The following ADGRB3 variants were observed in gnomAD, a reference collection of about 807,000 sequenced individuals.
ADGRB3 encodes adhesion G protein-coupled receptor B3.
A neutral mutation model predicts 193.4 loss-of-function variants in ADGRB3; 37 were observed. The ratio of observed to expected loss-of-function variants is 0.19; its 90% CI spans 0.15 to 0.25. ADGRB3 has a LOEUF of 0.25. Among genes scored for constraint, ADGRB3 ranks in the 10% least tolerant of loss-of-function variants. ADGRB3 has a pLI of 1.00. For synonymous variants in ADGRB3, 690 were observed against 644.2 expected (o/e 1.07, Z -1.08); for missense variants, 1,637 against 1,852.9 (o/e 0.88, Z 2.14).
intron 3 of ADGRB3, among the ~76,000 whole-genome samples, chr6:68,873,592 A>G (rs1246712236): frequency 2.0e-5 from 3 of 152,164 alleles, no homozygotes; most frequent in East Asian, 3.8e-4. Context: ...GGGAAATTTC[A>G]TGATTAACCA....
chr6:69,202,606 A>T (rs1231934649), intron 17 of ADGRB3, among the ~76,000 whole-genome samples: 1 of 152,162 alleles, frequency 6.6e-6, no homozygotes, highest in Non-Finnish European at 1.5e-5. Flanking sequence ...TAACACAGTC[A>T]AGTGTCCTAA....
chr6:69,280,271 C>A (rs953181074), intron 20 of ADGRB3, among the ~76,000 whole-genome samples: 11 of 152,194 alleles, frequency 7.2e-5, no homozygotes, highest in African/African-American at 2.7e-4. Flanking sequence ...AGTTTTAAAT[C>A]ATCCCCTCAT....
Position 68,993,420 on chromosome 6 carries a change from C to T in ADGRB3, c.1735-348C>T, listed in dbSNP as rs568590278. Reference sequence around the variant, plus strand: ...ATCTCCCATCTCTGATCACACCTTACTAAACAGTCCCCCATGTTTACCACA... The same window carrying T: ...ATCTCCCATCTCTGATCACACCTTATTAAACAGTCCCCCATGTTTACCACA... On this transcript the variant is annotated intron_variant, in intron 10 of 31. Transcript: ENST00000370598. Among the ~76,000 whole-genome samples the T allele has an allele frequency of 5.3e-5, 8 of 152,266 alleles. No individual in the cohort carries two copies. The South Asian group carries it at 1.2e-3, about 24-fold the overall frequency.
chr6:69,283,643 G>GA (rs1030418823), intron 20 of ADGRB3, among the ~76,000 whole-genome samples: 96 of 144,984 alleles, frequency 6.6e-4, no homozygotes, highest in African/African-American at 1.2e-3. Flanking sequence ...TTGGCTTATG[G>GA]AAAAAAAAAA....
intron 10 of ADGRB3, among the ~76,000 whole-genome samples, chr6:68,983,271 G>A (rs918805090): frequency 7.9e-5 from 12 of 151,606 alleles, no homozygotes; most frequent in African/African-American, 2.9e-4. Context: ...TAAAAGCTGA[G>A]GAGATTTTTA....
chr6:68,997,717 T>C (rs1406855758), intron 11 of ADGRB3, among the ~76,000 whole-genome samples: 1 of 151,772 alleles, frequency 6.6e-6, no homozygotes, highest in Non-Finnish European at 1.5e-5. Context: ...AGAATTGGCC[T>C]GATTCCTCCC....
chr6:69,291,970 T>C (rs1767694342), intron 20 of ADGRB3, among the ~76,000 whole-genome samples: 1 of 152,122 alleles, frequency 6.6e-6, no homozygotes, highest in African/African-American at 2.4e-5. Flanking sequence ...TCCCTGAAGA[T>C]GAAGGGTCAC....
At chr6:68,863,769 C>T (rs1022201760) in intron 3 of ADGRB3, among the ~76,000 whole-genome samples, 1 of 152,114 alleles carries the variant, frequency 6.6e-6, no homozygotes, top group Non-Finnish European at 1.5e-5. Flanking sequence ...GCTCAGAAAT[C>T]AGCCTTACTT....
At chr6:69,024,567 G>A (rs909013021) in intron 13 of ADGRB3, among the ~76,000 whole-genome samples, 3 of 152,090 alleles carry the variant, frequency 2.0e-5, no homozygotes, top group Non-Finnish European at 4.4e-5. Flanking sequence ...CAAATAAGAA[G>A]GGAATGGTTT....
At chr6:68,880,314 A>G (rs557225106) in intron 3 of ADGRB3, among the ~76,000 whole-genome samples, 8 of 152,312 alleles carry the variant, frequency 5.3e-5, no homozygotes, top group South Asian at 2.1e-4. Flanking sequence ...CAGATGGCCT[A>G]TGGTATCAGT....
intron 17 of ADGRB3, among the ~76,000 whole-genome samples, chr6:69,092,746 T>A (rs1772750153): frequency 6.6e-6 from 1 of 151,438 alleles, no homozygotes; most frequent in Non-Finnish European, 1.5e-5. Context: ...CCCAGGGAGG[T>A]CACTCACAAG....
chr6:69,083,386 G>C (rs2150315070), intron 17 of ADGRB3, among the ~76,000 whole-genome samples: 1 of 152,198 alleles, frequency 6.6e-6, no homozygotes, highest in Admixed American at 6.5e-5. Flanking sequence ...TCAGTAATGT[G>C]TTCATTCATT....
At chr6:68,641,164 A>G (rs1768075099) in intron 3 of ADGRB3, among the ~76,000 whole-genome samples, 1 of 152,144 alleles carries the variant, frequency 6.6e-6, no homozygotes, top group African/African-American at 2.4e-5. Context: ...AGTTTAGAAA[A>G]TCTGTTTCTT....
rs555312552 is a variant in ADGRB3, at chr6:68,661,605, A to T, written c.757+22173A>T. On this transcript the variant is annotated intron_variant, in intron 3 of 31. Transcript: ENST00000370598. ...CTATGGCTATTTGGATTTAGATTGG[A>T]CTTTCAATGATTGGCAGGAATATAA... Among the ~76,000 whole-genome samples the T allele has an allele frequency of 5.7e-5, 8 of 141,198 alleles. No homozygotes were observed. The Admixed American group carries it at 5.9e-4, about 10-fold the overall frequency. The allele number at this position is 141,198 out of a possible 152,430, so 92.6% of individuals were successfully genotyped here.
intron 17 of ADGRB3, among the ~76,000 whole-genome samples, chr6:69,163,306 A>G (rs767422609): frequency 2.6e-5 from 4 of 152,210 alleles, no homozygotes; most frequent in Non-Finnish European, 4.4e-5. Flanking sequence ...GTTAGTTCAG[A>G]CATCCAAAAG....
intron 3 of ADGRB3, among the ~76,000 whole-genome samples, chr6:68,889,412 T>G (rs750671999): frequency 7.8e-4 from 119 of 152,324 alleles, no homozygotes; most frequent in Non-Finnish European, 1.4e-3. Flanking sequence ...TGGCACCTAA[T>G]GAAATTGGTA....
At chr6:68,987,650 G>A (rs1769118010) in intron 10 of ADGRB3, among the ~76,000 whole-genome samples, 1 of 151,936 alleles carries the variant, frequency 6.6e-6, no homozygotes, top group Admixed American at 6.6e-5. Flanking sequence ...AGACTGCCTG[G>A]GCTCAAATCT....
intron 20 of ADGRB3, among the ~76,000 whole-genome samples, chr6:69,297,388 C>CTCTCTA (rs1554192091): frequency 3.9e-5 from 5 of 129,804 alleles, no homozygotes; most frequent in African/African-American, 1.3e-4. Flanking sequence ...CTCTCTCTCT[C>CTCTCTA]TCTATCTCTC....
chr6:68,688,890 C>T (rs1214723920), intron 3 of ADGRB3, among the ~76,000 whole-genome samples: 1 of 152,102 alleles, frequency 6.6e-6, no homozygotes, highest in African/African-American at 2.4e-5. Context: ...ATTATTTAAT[C>T]CTTGCATTAA....
Sources: allele counts gnomAD v4.1 joint callset (sites outside exome capture counted in the v4.1 genomes callset), GRCh38; gene constraint gnomAD v4.1.1; transcripts MANE v1.5; gene names NCBI Gene and HGNC (gene_info 2026-07-23, HGNC 2026-07-21).